The following XKR9 variants were observed in gnomAD, a reference collection of about 807,000 sequenced individuals.
The protein encoded by XKR9 is XK-related protein 9.
Under a neutral mutation model 32.0 loss-of-function variants are expected in XKR9, and 32 were observed. The ratio of observed to expected loss-of-function variants is 1.00; its 90% CI spans 0.76 to 1.34. The LOEUF (loss-of-function observed/expected upper bound fraction) is 1.34. XKR9 is among the 40% of genes most tolerant of loss of function. XKR9 has a pLI of 0.00. For synonymous variants in XKR9, 168 were observed against 143.4 expected, an observed-to-expected ratio of 1.17 and a Z score of -1.22; for missense variants, 546 against 429.7, an observed-to-expected ratio of 1.27 and a Z score of -2.39.
chr8:70,741,808 T>G (rs1806988937), intron 2 of XKR9, among the ~76,000 whole-genome samples: 1 of 152,232 alleles, frequency 6.6e-6, no homozygotes, highest in East Asian at 1.9e-4. Flanking sequence ...TAATTCTGTT[T>G]TAAATCCTAT....
At chr8:71,021,490 G>A in the XKR9 span, among the ~76,000 whole-genome samples, 1 of 145,534 alleles carries the variant, frequency 6.9e-6, no homozygotes, top group Admixed American at 6.9e-5. Context: ...TTACTCTGTT[G>A]ATGGTTTCTT....
At chr8:70,996,242 T>A in the XKR9 span, among the ~76,000 whole-genome samples, 1 of 152,232 alleles carries the variant, frequency 6.6e-6, no homozygotes, top group African/African-American at 2.4e-5. Context: ...ATTTTTGTTT[T>A]TGCTTTTCTT....
the XKR9 span, among the ~76,000 whole-genome samples, chr8:70,802,620 C>T: frequency 6.6e-4 from 100 of 152,250 alleles, no homozygotes; most frequent in African/African-American, 2.1e-3. Context: ...CTTTTCTTTC[C>T]GTATTTAGCA....
chr8:70,791,493 G>A (rs1199545739), downstream of XKR9, among the ~76,000 whole-genome samples: 4 of 152,086 alleles, frequency 2.6e-5, no homozygotes, highest in African/African-American at 4.8e-5. Flanking sequence ...ATTAGGCCAC[G>A]AGGGCTTTGC....
At chr8:70,745,695 A>G (rs1464056278) in intron 2 of XKR9, among the ~76,000 whole-genome samples, 2 of 152,212 alleles carry the variant, frequency 1.3e-5, no homozygotes, top group Non-Finnish European at 2.9e-5. Context: ...CAAAACAGCC[A>G]CTAGAGGGCA....
intron 2 of XKR9, among the ~76,000 whole-genome samples, chr8:70,743,754 A>G (rs796938514): frequency 9.2e-5 from 14 of 152,238 alleles, no homozygotes; most frequent in African/African-American, 3.4e-4. Context: ...TGATCACCAC[A>G]TACTCTGTTC....
chr8:71,065,665 G>T, the XKR9 span, among the ~76,000 whole-genome samples: 2 of 152,184 alleles, frequency 1.3e-5, no homozygotes, highest in African/African-American at 4.8e-5. Flanking sequence ...AAAGAATGTT[G>T]GTCTAGAATG....
intron 2 of XKR9, among the ~76,000 whole-genome samples, chr8:70,750,951 C>G (rs1165151599): frequency 6.6e-6 from 1 of 152,148 alleles, no homozygotes; most frequent in Non-Finnish European, 1.5e-5. Flanking sequence ...ATATTGCTCT[C>G]CGTAGTGTGG....
At chr8:71,057,201 A>G in the XKR9 span, among the ~76,000 whole-genome samples, 1 of 152,216 alleles carries the variant, frequency 6.6e-6, no homozygotes, top group Admixed American at 6.5e-5. Flanking sequence ...AGCAAGACAC[A>G]GTTCCACATT....
At chr8:70,886,587 T>C in the XKR9 span, among the ~76,000 whole-genome samples, 1 of 152,224 alleles carries the variant, frequency 6.6e-6, no homozygotes, top group African/African-American at 2.4e-5. Context: ...TCATTCTAAC[T>C]GGCGTGAGAT....
At chr8:70,733,223 C>CA (rs1163661187) in intron 4 of XKR9, among the ~76,000 whole-genome samples, 1 of 152,164 alleles carries the variant, frequency 6.6e-6, no homozygotes, top group Non-Finnish European at 1.5e-5. Flanking sequence ...AGAACATACT[C>CA]ATTCACTTGT....
chr8:70,793,375 ATGAGTTATTT>A (rs1411383566), downstream of XKR9, among the ~76,000 whole-genome samples: 1 of 152,054 alleles, frequency 6.6e-6, no homozygotes, highest in Non-Finnish European at 1.5e-5. Context: ...TAATGGATTA[ATGAGTTATTT>A]TGGGAATTGG....
the XKR9 span, among the ~76,000 whole-genome samples, chr8:70,878,525 C>A: frequency 6.6e-6 from 1 of 152,096 alleles, no homozygotes; most frequent in Non-Finnish European, 1.5e-5. Context: ...ATAAAACAGA[C>A]TTTAAACCAA....
intron 1 of XKR9, among the ~76,000 whole-genome samples, chr8:70,673,180 G>A (rs1039594475): frequency 2.0e-5 from 3 of 152,246 alleles, no homozygotes; most frequent in Non-Finnish European, 2.9e-5. Context: ...TCTTCTAGTA[G>A]TTTTATAGTT....
chr8:70,810,738 C>A, the XKR9 span, among the ~76,000 whole-genome samples: 20 of 152,214 alleles, frequency 1.3e-4, no homozygotes, highest in Non-Finnish European at 1.9e-4. Flanking sequence ...AAGAAGAGCT[C>A]ACTATCCTAA....
At chr8:70,883,310 T>C in the XKR9 span, among the ~76,000 whole-genome samples, 1 of 152,184 alleles carries the variant, frequency 6.6e-6, no homozygotes, top group Non-Finnish European at 1.5e-5. Context: ...AGACATTTCA[T>C]TCCTTTTCAT....
At chr8:70,889,457 G>A in the XKR9 span, among the ~76,000 whole-genome samples, 4 of 151,310 alleles carry the variant, frequency 2.6e-5, no homozygotes, top group Admixed American at 6.6e-5. Flanking sequence ...TTGTTACCTG[G>A]GTATAGTGTG....
At chr8:71,064,441 T>C in the XKR9 span, among the ~76,000 whole-genome samples, 1 of 152,330 alleles carries the variant, frequency 6.6e-6, no homozygotes, top group South Asian at 2.1e-4. Context: ...ATTTATATCA[T>C]TGTCAACAGA....
chr8:70,971,499 G>T, the XKR9 span, among the ~76,000 whole-genome samples: 1 of 151,964 alleles, frequency 6.6e-6, no homozygotes, highest in Non-Finnish European at 1.5e-5. Context: ...TGTTTTTGTT[G>T]CATTTGCTTT....
Sources: allele counts gnomAD v4.1 joint callset (sites outside exome capture counted in the v4.1 genomes callset), GRCh38; gene constraint gnomAD v4.1.1; transcripts MANE v1.5; gene names NCBI Gene and HGNC (gene_info 2026-07-23, HGNC 2026-07-21).